Variants in NEB observed in about 807,000 individuals in gnomAD.
NEB encodes the protein nemaline myopathy type 2.
NEB carries 512 observed loss-of-function variants against 952.2 expected under a neutral mutation model. The ratio of observed to expected loss-of-function variants is 0.54; its 90% CI spans 0.50 to 0.58. NEB has a LOEUF of 0.58. Ranked by LOEUF, NEB falls within the 20% of genes least tolerant of loss-of-function variation. NEB has a pLI of 0.00. For synonymous variants in NEB, 2,900 were observed against 3,149.8 expected, an observed-to-expected ratio of 0.92 and a Z score of 2.66; for missense variants, 8,428 against 9,231.1, an observed-to-expected ratio of 0.91 and a Z score of 3.56.
Position 151,493,463 on chromosome 2 carries a change from G to T in NEB, c.24673-18C>A, listed in dbSNP as rs751128682. On this transcript the variant is annotated intron_variant, in intron 175 of 181. Coordinates refer to ENST00000397345, the MANE Select transcript of NEB (RefSeq NM_001164508.2). ...TACAATACCTAGGGAAGCCAAAAGA[G>T]CATCTAGGCATCAGACAGCAGAAAA... 4 of 1,504,592 alleles carry T rather than the reference G, an allele frequency of 2.7e-6. No individual in the cohort carries two copies. Among genetic ancestry groups the T allele is most frequent in the Non-Finnish European group, 3.6e-6 (4 of 1,105,334 alleles). 93.2% of individuals were successfully genotyped at this position (1,504,592 alleles called of 1,614,324 possible).
intron 55 of NEB, among the ~76,000 whole-genome samples, chr2:151,645,662 ATTTAAT>A (rs2098947733): frequency 6.6e-6 from 1 of 152,206 alleles, no homozygotes; most frequent in African/African-American, 2.4e-5. Context: ...TTTTTAAAAT[ATTTAAT>A]TTTCAGATGT....
intron 28 of NEB, among the ~76,000 whole-genome samples, chr2:151,684,556 A>G (rs2099473204): frequency 6.6e-6 from 1 of 152,160 alleles, no homozygotes; most frequent in African/African-American, 2.4e-5. Context: ...AAACTTAGCA[A>G]GGTTGACATA....
chr2:151,708,710 A>T (rs2099734717), intron 12 of NEB, among the ~76,000 whole-genome samples: 1 of 152,118 alleles, frequency 6.6e-6, no homozygotes, highest in Non-Finnish European at 1.5e-5. Context: ...TTCCATGTGG[A>T]TGTCTAAAAG....
rs2099785946 is a variant in NEB, at chr2:151,724,974, T to C, written c.403-13A>G. The C allele has an allele frequency of 5.0e-6, 8 of 1,602,066 alleles. No homozygotes were observed. The highest frequency in any genetic ancestry group is 6.8e-6 in the Non-Finnish European group (8 of 1,169,508). ...TTCGATACTTAACCTGCCCAAATAA[T>C]GCACAGTTAGAGTTCATGACAGGCA... On this transcript the variant is annotated splice_polypyrimidine_tract_variant and intron_variant, in intron 6 of 181. Transcript: ENST00000397345.
At chr2:151,549,973 G>A (rs1438688106) in intron 129 of NEB, among the ~76,000 whole-genome samples, 1 of 152,084 alleles carries the variant, frequency 6.6e-6, no homozygotes, top group Non-Finnish European at 1.5e-5. Context: ...ATGGTTTATT[G>A]AAAGTAGTTC....
chr2:151,704,118 CGTGTGAGGTGTCA>C (rs2099690137), intron 13 of NEB, among the ~76,000 whole-genome samples: 18 of 53,962 alleles, frequency 3.3e-4, no homozygotes, highest in African/African-American at 1.1e-3. Flanking sequence ...AATACCCTGC[CGTGTGAGGTGTCA>C]GTGTGCCCCT....
Position 151,650,166 on chromosome 2 carries a change from T to C in NEB, c.7431+10A>G. ...CACTATAATCTATTTATTTCCAGAG[T>C]GCTACTCACATCACTCCTATTTTTG... On this transcript the variant is annotated intron_variant, in intron 54 of 181. Transcript: ENST00000397345. 6.2e-7 allele frequency: 1 copy of C among 1,611,526 alleles called. No individual in the cohort carries two copies. Among genetic ancestry groups the C allele is most frequent in the Non-Finnish European group, 8.5e-7 (1 of 1,177,790 alleles).
chr2:151,650,147 A>C lies in NEB; in HGVS notation c.7431+29T>G, dbSNP rs201121298. The C allele has an allele frequency of 2.5e-5, 40 of 1,599,904 alleles. 1 individual carries two copies. The East Asian group carries it at 8.7e-4, about 35-fold the overall frequency. ...GCAAACACTAGGTAGCAGGCACTAT[A>C]ATCTATTTATTTCCAGAGTGCTACT... On this transcript the variant is annotated intron_variant, in intron 54 of 181. Transcript: ENST00000397345.
chr2:151,679,865 CTG>C (rs746149494), intron 31 of NEB, 37 bp from the exon 32 acceptor site: 2 of 1,608,798 alleles, frequency 1.2e-6, no homozygotes, highest in South Asian at 2.2e-5. Context: ...AACTTAGAGA[CTG>C]TGTTAGTAAA....
intron 173 of NEB, 43 bp downstream of exon 173, chr2:151,496,233 T>C: frequency 6.7e-7 from 1 of 1,490,210 alleles, no homozygotes; most frequent in Non-Finnish European, 9.2e-7. Context: ...TAAAAGTAGT[T>C]TTTAAAATCA....
In NEB at chr2:151,575,784, C is replaced by T; in HGVS notation, c.16924G>A (p.Val5642Ile). ...ATTGAAGTTTTATCCTTGTCCCAAA[C>T]CTCTCTGTACTTTGGCTGTGGAAAG... ...ENISIPKYRE[V>I]WDKDKTSIHI... The change falls in exon 107 of 182, where the codon GTT becomes ATT. Residue 5642 changes from valine (V) to isoleucine (I), a missense_variant. Around this residue, in one of 11 missense-constraint regions of NEB, gnomAD observed 3,374 missense variants for 3,651.5 expected, o/e 0.92. Transcript: ENST00000397345. 1.9e-6 allele frequency: 3 copies of T among 1,602,598 alleles called. No individual in the cohort carries two copies. The highest frequency in any genetic ancestry group is 1.3e-5 in the African/African-American group (1 of 74,904).
intron 40 of NEB, among the ~76,000 whole-genome samples, chr2:151,667,442 A>T (rs1307453466): frequency 6.6e-6 from 1 of 152,166 alleles, no homozygotes; most frequent in Non-Finnish European, 1.5e-5. Flanking sequence ...TAAATAACGT[A>T]ATTGGCAATT....
At chr2:151,501,772 A>G (rs16830117) in intron 167 of NEB, among the ~76,000 whole-genome samples, 2,257 of 152,180 alleles carry the variant, frequency 0.015, 81 homozygotes, top group East Asian at 0.14. Context: ...ATAGCATTCA[A>G]ACTAATTGAA....
intron 28 of NEB, among the ~76,000 whole-genome samples, chr2:151,683,755 T>C (rs2148791546): frequency 6.6e-6 from 1 of 152,288 alleles, no homozygotes; most frequent in Non-Finnish European, 1.5e-5. Flanking sequence ...CAAAGAGATA[T>C]TCACATGCCC....
At chr2:151,568,867 A>G (rs948121058) in intron 110 of NEB, among the ~76,000 whole-genome samples, 151 bp from the exon 111 acceptor site, 3 of 152,160 alleles carry the variant, frequency 2.0e-5, no homozygotes, top group Admixed American at 6.5e-5. Flanking sequence ...TCTTTTTAGC[A>G]TTTTATTTTT....
chr2:151,506,830 A>G, intron 163 of NEB, 79 bp downstream of exon 163: 1 of 934,386 alleles, frequency 1.1e-6, no homozygotes, highest in East Asian at 2.4e-5. Flanking sequence ...GTGTGTATCA[A>G]TATAAGGCTA....
intron 9 of NEB, among the ~76,000 whole-genome samples, chr2:151,721,694 A>G (rs1296633894): frequency 6.6e-6 from 1 of 152,234 alleles, no homozygotes; most frequent in Non-Finnish European, 1.5e-5. Flanking sequence ...GTACTTTTCT[A>G]TCCTGCCAGG....
chr2:151,696,637 G>T lies in NEB; in HGVS notation c.1569C>A (p.Asp523Glu). 6.2e-7 allele frequency: 1 copy of T among 1,610,000 alleles called. No individual in the cohort carries two copies. Among genetic ancestry groups the T allele is most frequent in the Middle Eastern group, 1.7e-4 (1 of 6,054 alleles). Residue 523 changes from aspartate to glutamate, a missense_variant and splice_region_variant, in exon 17 of 182, where the codon GAC becomes GAA. By Grantham distance (45) the Asp-to-Glu change is conservative. Around this residue, in one of 11 missense-constraint regions of NEB, gnomAD observed 2,851 missense variants for 2,791.5 expected, o/e 1.02. Coordinates refer to ENST00000397345, the MANE Select transcript of NEB (RefSeq NM_001164508.2). ...QAQVNSKQLSDLNYKAKHESE... is the reference protein window; with the variant it reads ...QAQVNSKQLSELNYKAKHESE... The stretch of plus-strand genomic sequence containing the variant: ...GTCCTGAGTAGTTAGAGGAACTTAC[G>T]TCACTCAGTTGTTTGGAATTGACTT...
At chr2:151,611,375 A>T (rs990979208) in intron 78 of NEB, among the ~76,000 whole-genome samples, 2 of 152,210 alleles carry the variant, frequency 1.3e-5, no homozygotes. Context: ...GTCATAGCAG[A>T]TACTCAACGA....
Sources: gnomAD v4.1 joint callset for allele counts (sites outside exome capture counted in the v4.1 genomes callset) on GRCh38, gnomAD v4.1.1 for gene constraint, gnomAD v4.1.1 regional missense constraint, MANE v1.5 for transcripts, NCBI Gene and HGNC (gene_info 2026-07-23, HGNC 2026-07-21) for gene names.